Variants in MFSD8 observed in about 807,000 individuals in gnomAD.
MFSD8 encodes the protein major facilitator superfamily domain-containing protein 8.
Under a neutral mutation model 66.4 loss-of-function variants are expected in MFSD8, and 55 were observed. The observed-to-expected ratio is 0.83, with a 90% CI of 0.67 to 1.04. The LOEUF (loss-of-function observed/expected upper bound fraction) is 1.04, where lower values mean the gene tolerates loss of function less well. Among genes scored for constraint, MFSD8 ranks in the 50% least tolerant of loss-of-function variants. MFSD8 has a pLI of 0.00. For missense variants in MFSD8, 550 were observed against 627.6 expected, an observed-to-expected ratio of 0.88 and a Z score of 1.32; for synonymous variants, 202 against 212.8, an observed-to-expected ratio of 0.95 and a Z score of 0.44.
At chr4:127,947,863 AACACACACACAC>A (rs10648496) in intron 3 of MFSD8, among the ~76,000 whole-genome samples, 2 of 141,186 alleles carry the variant, frequency 1.4e-5, no homozygotes, top group East Asian at 2.1e-4. Flanking sequence ...TGCACGTGTG[AACACACACACAC>A]ACACACACAC....
chr4:127,943,671 G>A (rs562878983), intron 4 of MFSD8, 81 bp downstream of exon 4: 102 of 1,521,794 alleles, frequency 6.7e-5, no homozygotes, highest in Admixed American at 4.6e-4. Flanking sequence ...TTTAAAAGGG[G>A]ATGAGACCAG....
chr4:127,959,288 G>A (rs1465792508), intron 1 of MFSD8, among the ~76,000 whole-genome samples: 2 of 152,188 alleles, frequency 1.3e-5, no homozygotes, highest in Admixed American at 6.5e-5. Flanking sequence ...ATGGTGACAA[G>A]AAAGAGATAG....
upstream of MFSD8, chr4:127,965,269 C>T (rs1579055964): frequency 3.5e-6 from 4 of 1,130,136 alleles, no homozygotes; most frequent in East Asian, 7.6e-5. Flanking sequence ...GGCGGAACGC[C>T]CCGAGGTCAT....
chr4:127,927,831 C>T (rs557051987), intron 9 of MFSD8, among the ~76,000 whole-genome samples: 1 of 152,106 alleles, frequency 6.6e-6, no homozygotes. Context: ...GGACTACAGG[C>T]GTGCTCCATC....
intron 9 of MFSD8, 97 bp downstream of exon 9, chr4:127,930,586 T>C: frequency 2.9e-6 from 4 of 1,362,954 alleles, no homozygotes; most frequent in Non-Finnish European, 4.1e-6. Context: ...AAAAAAAAGC[T>C]TTAAATTATT....
intron 8 of MFSD8, 109 bp downstream of exon 8, chr4:127,932,876 T>A (rs952813067): frequency 1.1e-6 from 1 of 881,392 alleles, no homozygotes; most frequent in African/African-American, 1.7e-5. Context: ...GTAAGAAAAA[T>A]TTGCCTTACA....
chr4:127,956,284 T>C (rs1261550054), intron 2 of MFSD8, among the ~76,000 whole-genome samples: 1 of 151,736 alleles, frequency 6.6e-6, no homozygotes, highest in Non-Finnish European at 1.5e-5. Context: ...GTCTGGCAGA[T>C]CACGAGGTCA....
intron 7 of MFSD8, chr4:127,933,302 T>TG: frequency 2.2e-6 from 1 of 450,702 alleles, no homozygotes; most frequent in Non-Finnish European, 4.1e-6. Context: ...TAGAGTGCAG[T>TG]GTCATGATCA....
At chr4:127,944,552 C>T (rs1444718179) in intron 3 of MFSD8, among the ~76,000 whole-genome samples, 1 of 152,168 alleles carries the variant, frequency 6.6e-6, no homozygotes, top group East Asian at 1.9e-4. Flanking sequence ...AAAGGGTTTA[C>T]ATATCATGAT....
At chr4:127,926,309 G>A (rs984410576) in intron 9 of MFSD8, among the ~76,000 whole-genome samples, 1 of 19,466 alleles carries the variant, frequency 5.1e-5, no homozygotes, top group East Asian at 1.5e-3. Context: ...TCAGGAGATC[G>A]AGACCATCCA....
rs1736092740 is a variant in MFSD8 at position 127,919,195 on chromosome 4, G to A, written c.*1435C>T. 6.6e-6 allele frequency: 1 copy of A among 152,156 alleles called. No homozygotes were observed. Among genetic ancestry groups the A allele is most frequent in the Admixed American group, 6.6e-5 (1 of 15,260 alleles). The allele number at this position is 152,156 out of a possible 1,614,324, so 9.4% of individuals were successfully genotyped here. On this transcript the variant is annotated 3_prime_UTR_variant, in exon 12 of 12. Transcript: ENST00000641686. ...TTTAGCATAAAGTGCAGATTATACA[G>A]TTTTAAATTTTTGTTTTTATTTTTT...
chr4:127,921,287 C>A, intron 11 of MFSD8: 1 of 671,580 alleles, frequency 1.5e-6, no homozygotes, highest in Non-Finnish European at 2.5e-6. Context: ...CTCCACTGTG[C>A]CACTTTACAC....
chr4:127,932,379 A>G (rs1329480756), intron 8 of MFSD8: 1 of 152,436 alleles, frequency 6.6e-6, no homozygotes, highest in African/African-American at 2.4e-5. Context: ...TTATACATAC[A>G]TAGGAAAAAT....
At chr4:127,925,816 A>G (rs147629846) in intron 9 of MFSD8, among the ~76,000 whole-genome samples, 32 of 152,342 alleles carry the variant, frequency 2.1e-4, no homozygotes, top group Admixed American at 6.5e-4. Context: ...ACTATTCACA[A>G]TAGTAAAGAC....
intron 7 of MFSD8, among the ~76,000 whole-genome samples, chr4:127,936,459 C>T (rs555193229): frequency 6.6e-6 from 1 of 151,880 alleles, no homozygotes; most frequent in South Asian, 2.1e-4. Flanking sequence ...GGTGCAGTGG[C>T]TCACACCTGT....
At chr4:127,936,139 G>C (rs1456927894) in intron 7 of MFSD8, among the ~76,000 whole-genome samples, 8 of 151,460 alleles carry the variant, frequency 5.3e-5, no homozygotes, top group Admixed American at 4.6e-4. Context: ...TTTTGAGACA[G>C]AGCCTCACTC....
intron 7 of MFSD8, among the ~76,000 whole-genome samples, chr4:127,936,670 TTTTA>T (rs998215731): frequency 6.6e-6 from 1 of 151,838 alleles, no homozygotes; most frequent in Admixed American, 6.6e-5. Flanking sequence ...GCATTCTGTG[TTTTA>T]TTTTTTATTA....
In MFSD8 at chr4:127,921,675, C is replaced by A. The variant is rs1010358332; in HGVS notation, c.1199G>T (p.Gly400Val). 10 of 1,614,112 alleles carry A rather than the reference C, an allele frequency of 6.2e-6. No homozygotes were observed. Among genetic ancestry groups the A allele is most frequent in the Non-Finnish European group, 7.6e-6 (9 of 1,180,016 alleles). ...GCACCAGGCTTGTTCAATCGAGCAA[C>A]CAGTTGGTCTTTCATTGTCATCTTC... ...PMEDDNERPT[G>V]CSIEQAWCLY... The change falls in exon 11 of 12, where the codon GGT becomes GTT. Residue 400 changes from glycine to valine, a missense_variant. Physicochemically the swap from Gly to Val is moderately radical, Grantham distance 109. Coordinates refer to ENST00000641686, the MANE Select transcript of MFSD8 (RefSeq NM_001371596.2).
At position 127,961,797 on chromosome 4, in the gene MFSD8, G is replaced by T. The variant is rs189141625; in HGVS notation, c.62+3275C>A. On this transcript the variant is annotated intron_variant, in intron 1 of 11. Transcript: ENST00000641686. ...GATTGCGCCACTGCACTCCAGCCTG[G>T]GTGACAGAGCGAGACTCCGTCTCAA... 5.1e-3 allele frequency among the ~76,000 whole-genome samples: 743 copies of T among 146,936 alleles called. 6 individuals carry two copies. The highest frequency in any genetic ancestry group is 0.018 in the African/African-American group (715 of 38,838).
Sources: gnomAD v4.1 joint callset for allele counts (sites outside exome capture counted in the v4.1 genomes callset) on GRCh38, gnomAD v4.1.1 for gene constraint, MANE v1.5 for transcripts, NCBI Gene and HGNC (gene_info 2026-07-23, HGNC 2026-07-21) for gene names.